PHF12: variants seen among roughly 807,000 people sequenced by gnomAD.
PHF12 encodes PHD finger protein 12, also known as PHD factor 1.
A neutral mutation model predicts 99.8 loss-of-function variants in PHF12; 6 were observed. That is an observed-to-expected ratio of 0.06 (90% confidence interval 0.03 to 0.12). PHF12 has a LOEUF of 0.12. Among genes scored for constraint, PHF12 ranks in the 10% least tolerant of loss-of-function variants. The pLI is 1.00. For missense variants in PHF12, 954 were observed against 1,300.1 expected (o/e 0.73, Z 4.09); for synonymous variants, 480 against 514.9 (o/e 0.93, Z 0.92).
At chr17:28,947,818 G>A (rs552691745) in intron 2 of PHF12, among the ~76,000 whole-genome samples, 1 of 151,878 alleles carries the variant, frequency 6.6e-6, no homozygotes, top group South Asian at 2.1e-4. Context: ...GAGAATTGGA[G>A]ATGTGAAACA....
At chr17:28,930,104 A>C (rs189495238) in intron 2 of PHF12, 1 of 152,048 alleles carries the variant, frequency 6.6e-6, no homozygotes, top group Non-Finnish European at 1.5e-5. Flanking sequence ...TCTCCAGCTC[A>C]ATCAGTTGGC....
At chr17:28,919,672 C>T (rs910090157) in intron 5 of PHF12, among the ~76,000 whole-genome samples, 3 of 152,080 alleles carry the variant, frequency 2.0e-5, no homozygotes, top group Admixed American at 6.5e-5. Flanking sequence ...CCTAGGAGGC[C>T]GGAGGTTGCA....
chr17:28,942,510 ACT>A (rs1232046498), intron 2 of PHF12, among the ~76,000 whole-genome samples: 1 of 151,966 alleles, frequency 6.6e-6, no homozygotes, highest in Non-Finnish European at 1.5e-5. Context: ...ACATAGCAAG[ACT>A]CTGCCTCTAA....
chr17:28,929,378 G>C (rs2040354246), intron 2 of PHF12, among the ~76,000 whole-genome samples: 1 of 151,910 alleles, frequency 6.6e-6, no homozygotes, highest in South Asian at 2.1e-4. Flanking sequence ...GAGTAGCTAG[G>C]ATTACAAGCA....
intron 2 of PHF12, among the ~76,000 whole-genome samples, chr17:28,941,355 T>A (rs958665518): frequency 1.3e-5 from 2 of 152,136 alleles, no homozygotes; most frequent in African/African-American, 4.8e-5. Flanking sequence ...GACAGCTGCA[T>A]TTTTAGGTAG....
At chr17:28,932,810 G>T (rs2040438106) in intron 2 of PHF12, among the ~76,000 whole-genome samples, 1 of 152,186 alleles carries the variant, frequency 6.6e-6, no homozygotes, top group Admixed American at 6.5e-5. Context: ...GCTGGGTGTG[G>T]TGGTGTGCAC....
chr17:28,934,256 G>A (rs1009688241), intron 2 of PHF12, among the ~76,000 whole-genome samples: 3 of 152,184 alleles, frequency 2.0e-5, no homozygotes, highest in Non-Finnish European at 4.4e-5. Context: ...TTACCATAAA[G>A]ACCCACATAA....
At position 28,907,658 on chromosome 17, in the gene PHF12, C is replaced by A; in HGVS notation, c.2473G>T (p.Val825Leu). Residue 825 changes from valine (V) to leucine (L), a missense_variant, in exon 13 of 15, where the codon GTG becomes TTG. Transcript: ENST00000332830. ...LYIGTGADMD[V>L]CLTNYGHCNY... The stretch of plus-strand genomic sequence containing the variant: ...CAGTGACCATAGTTTGTAAGGCACA[C>A]ATCCATGTCAGCTCCTGCAAGGTGG... The A allele has an allele frequency of 6.2e-7, 1 of 1,613,870 alleles. No individual in the cohort carries two copies. The highest frequency in any genetic ancestry group is 8.5e-7 in the Non-Finnish European group (1 of 1,179,838).
Position 28,950,365 on chromosome 17 carries a change from A to C in PHF12, c.67-119T>G, listed in dbSNP as rs2040787762. On this transcript the variant is annotated intron_variant, in intron 1 of 14. Transcript: ENST00000332830. This position sits in a 1 kb window ranked among gnomAD's most constrained non-coding sequence, Gnocchi z 5.7. ...CCCCCCTTTTGTCCTTCTTCCTCCC[A>C]TCCAGGCTGCTCCCAGAATCTCTCA... 6 of 1,123,946 alleles carry C rather than the reference A, an allele frequency of 5.3e-6. No individual in the cohort carries two copies. Among genetic ancestry groups the C allele is most frequent in the African/African-American group, 1.6e-5 (1 of 61,834 alleles). The allele number at this position is 1,123,946 out of a possible 1,614,324, so 69.6% of individuals were successfully genotyped here. A position where few individuals can be genotyped will look rare whatever the true frequency, so the allele number is the denominator to read the frequency against.
At position 28,925,055 on chromosome 17, in the gene PHF12, A is replaced by T. The variant is rs578128629; in HGVS notation, c.322-753T>A. 3 of 152,436 alleles carry T rather than the reference A, an allele frequency of 2.0e-5. No individual in the cohort carries two copies. The East Asian group carries it at 5.8e-4, about 29-fold the overall frequency. The allele number at this position is 152,436 out of a possible 1,614,324, so 9.4% of individuals were successfully genotyped here. A position where few individuals can be genotyped will look rare whatever the true frequency, so the allele number is the denominator to read the frequency against. On this transcript the variant is annotated intron_variant, in intron 3 of 14. Transcript: ENST00000332830. Reference sequence around the variant, plus strand: ...GCTCAAAATAAGTGACACTTCTTAGAAAGTGGGGAAATGGAAAAAGATTAA... The same window carrying T: ...GCTCAAAATAAGTGACACTTCTTAGTAAGTGGGGAAATGGAAAAAGATTAA...
intron 2 of PHF12, among the ~76,000 whole-genome samples, chr17:28,932,999 C>T (rs17721557): frequency 0.15 from 23,549 of 152,080 alleles, 2,036 homozygotes; most frequent in South Asian, 0.23. Flanking sequence ...ATAAGCCTAG[C>T]GTGCAACTCT....
chr17:28,946,718 T>C (rs1598165809), intron 2 of PHF12, among the ~76,000 whole-genome samples: 1 of 152,356 alleles, frequency 6.6e-6, no homozygotes, highest in East Asian at 1.9e-4. Flanking sequence ...CTTTAAATTT[T>C]GTAGAGATGG....
intron 6 of PHF12, 28 bp downstream of exon 6, chr17:28,919,115 A>C (rs559063254): frequency 1.7e-5 from 28 of 1,601,676 alleles, no homozygotes; most frequent in Non-Finnish European, 2.3e-5. Context: ...ATGCCCATTG[A>C]GGACTGAATG....
At chr17:28,907,741 G>T in intron 12 of PHF12, 69 bp from the exon 13 acceptor site, 2 of 1,464,414 alleles carry the variant, frequency 1.4e-6, no homozygotes, top group Non-Finnish European at 1.9e-6. Flanking sequence ...TGTCGGGGAG[G>T]TAAGACAGGG....
intron 3 of PHF12, chr17:28,924,950 CAAA>C (rs3052129): frequency 8.5e-5 from 8 of 93,678 alleles, no homozygotes; most frequent in South Asian, 3.4e-4. Context: ...GATTCCATCT[CAAA>C]AAAAAAAAAA....
In PHF12 at chr17:28,914,048, T is replaced by C. The variant is rs766140418; in HGVS notation, c.1135-11A>G. On this transcript the variant is annotated splice_polypyrimidine_tract_variant and intron_variant, in intron 7 of 14. Transcript: ENST00000332830. ...TATAGCATCAGGAACCTGTTCAGGATAGATAGAAGGAGGAAGGAGAGGGAG... is the reference window on the plus strand; with the variant it reads ...TATAGCATCAGGAACCTGTTCAGGACAGATAGAAGGAGGAAGGAGAGGGAG... 2.1e-5 allele frequency: 34 copies of C among 1,592,882 alleles called. No homozygotes were observed. Among genetic ancestry groups the C allele is most frequent in the East Asian group, 4.5e-5 (2 of 44,336 alleles).
Position 28,950,697 on chromosome 17 carries a change from A to T in PHF12, c.66+198T>A. On this transcript the variant is annotated intron_variant, in intron 1 of 14. Transcript: ENST00000332830. This position sits in a 1 kb window ranked among gnomAD's most constrained non-coding sequence, Gnocchi z 5.7. ...GGAGAGCGAATCGAGGGCGGCGGGT[A>T]GGTGAAACTGCTGCAAACGTCCTCG... The T allele has an allele frequency of 1.5e-6, 1 of 682,856 alleles. No individual in the cohort carries two copies. Among genetic ancestry groups the T allele is most frequent in the Non-Finnish European group, 2.2e-6 (1 of 449,154 alleles). 42.3% of individuals were successfully genotyped at this position (682,856 alleles called of 1,614,324 possible).
Position 28,906,108 on chromosome 17 carries a change from C to CTT in PHF12, c.*73_*74dup, listed in dbSNP as rs1472793762. 2.8e-6 allele frequency: 4 copies of CTT among 1,437,686 alleles called. No homozygotes were observed. In the East Asian group the frequency reaches 9.4e-5, roughly 34 times the overall value. 89.1% of individuals were successfully genotyped at this position (1,437,686 alleles called of 1,614,324 possible). ...TGGTAGAGTATAGAAAACACCCGGG[C>CTT]TTGGTTTGTGTACATTTTTGCATTG... On this transcript the variant is annotated 3_prime_UTR_variant, in exon 15 of 15. Coordinates refer to ENST00000332830, the MANE Select transcript of PHF12 (RefSeq NM_001033561.2). This position sits in a 1 kb window ranked among gnomAD's most constrained non-coding sequence, Gnocchi z 4.2.
chr17:28,921,938 G>A (rs1382792521), intron 4 of PHF12, 130 bp from the exon 5 acceptor site: 2 of 1,254,560 alleles, frequency 1.6e-6, no homozygotes, highest in Non-Finnish European at 2.2e-6. Flanking sequence ...ATTGCTCTCT[G>A]AGGCCCCTGG....
Sources: allele counts gnomAD v4.1 joint callset (sites outside exome capture counted in the v4.1 genomes callset), GRCh38; gene constraint gnomAD v4.1.1; non-coding constraint Gnocchi (gnomAD v3.1); transcripts MANE v1.5; gene names NCBI Gene and HGNC (gene_info 2026-07-23, HGNC 2026-07-21).